Variants in RFX7 observed in about 807,000 individuals in gnomAD.
RFX7 encodes regulatory factor X7.
Under a neutral mutation model 111.8 loss-of-function variants are expected in RFX7, and 26 were observed. That is an observed-to-expected ratio of 0.23 (90% CI 0.17 to 0.32). The LOEUF is 0.32. Among genes scored for constraint, RFX7 ranks in the 10% least tolerant of loss-of-function variants. The pLI is 1.00. For missense variants in RFX7, 1,573 were observed against 1,772.9 expected, an observed-to-expected ratio of 0.89 and a Z score of 2.02; for synonymous variants, 624 against 624.4, an observed-to-expected ratio of 1.00 and a Z score of 0.01.
Position 56,103,543 on chromosome 15 carries a change from G to A in RFX7, c.518+11C>T, listed in dbSNP as rs1417894256. On this transcript the variant is annotated intron_variant, in intron 6 of 9. Coordinates refer to ENST00000559447, the MANE Select transcript of RFX7 (RefSeq NM_022841.7). ...CAGAGATATTACTAACACCATTCTG[G>A]TAAAGGATATTTAGATTTGCCTCTT... The A allele has an allele frequency of 6.4e-7, 1 of 1,550,786 alleles. No homozygotes were observed. The highest frequency in any genetic ancestry group is 1.2e-5 in the South Asian group (1 of 86,340).
At chr15:56,177,964 T>C (rs1366102406) in intron 3 of RFX7, among the ~76,000 whole-genome samples, 2 of 152,046 alleles carry the variant, frequency 1.3e-5, no homozygotes, top group Non-Finnish European at 2.9e-5. Flanking sequence ...AGACTAAATT[T>C]CTTAAGGGCA....
At chr15:56,206,056 C>T (rs1216224179) in intron 2 of RFX7, among the ~76,000 whole-genome samples, 1 of 152,026 alleles carries the variant, frequency 6.6e-6, no homozygotes, top group Non-Finnish European at 1.5e-5. Context: ...ATTAAAATTA[C>T]CATATGATCC....
intron 2 of RFX7, among the ~76,000 whole-genome samples, chr15:56,206,355 G>A (rs771714848): frequency 6.6e-6 from 1 of 152,116 alleles, no homozygotes; most frequent in African/African-American, 2.4e-5. Context: ...AATAACAAAT[G>A]CTGGCAAGGA....
upstream of RFX7, among the ~76,000 whole-genome samples, chr15:56,244,437 CTTTAACTA>C (rs1369790672): frequency 6.6e-6 from 1 of 152,130 alleles, no homozygotes; most frequent in African/African-American, 2.4e-5. Flanking sequence ...TCTGGCCCCA[CTTTAACTA>C]TCCAATCATA....
rs1256197437 is a variant in RFX7, at chr15:56,094,837, G to A, written c.2891C>T (p.Pro964Leu). The change falls in exon 10 of 10, where the codon CCG (proline) becomes CTG (leucine). Residue 964 changes from proline to leucine, a missense_variant. Coordinates refer to ENST00000559447, the MANE Select transcript of RFX7 (RefSeq NM_022841.7). ...PTPTPTPTPTPTSEMIAGSQS... is the reference protein window; with the variant it reads ...PTPTPTPTPTLTSEMIAGSQS... ...AGATCCAGCAATCATTTCAGATGTC[G>A]GGGTTGGGGTTGGGGTTGGAGTAGG... The A allele has an allele frequency of 1.3e-5, 20 of 1,550,110 alleles. No homozygotes were observed. The highest frequency in any genetic ancestry group is 1.7e-4 in the Middle Eastern group (1 of 5,894).
intron 5 of RFX7, among the ~76,000 whole-genome samples, chr15:56,111,943 T>A (rs576979131): frequency 3.3e-4 from 50 of 151,934 alleles, no homozygotes; most frequent in African/African-American, 1.1e-3. Context: ...TGTGAAACCC[T>A]GTCTCTACTA....
At chr15:56,153,132 C>T (rs1464756940) in intron 3 of RFX7, among the ~76,000 whole-genome samples, 21 of 152,234 alleles carry the variant, frequency 1.4e-4, no homozygotes. Flanking sequence ...ACCAGAGGTA[C>T]AAAGAGGAGC....
Position 56,179,360 on chromosome 15 carries a change from T to C in RFX7, c.162-57A>G, listed in dbSNP as rs1595990045. On this transcript the variant is annotated intron_variant, in intron 2 of 9. Transcript: ENST00000559447. ...TGAAAAGTTTATTAACTATCTGCAA[T>C]ATTCTCAAAAAGATGTGGTAATTTA... 4 of 791,188 alleles carry C rather than the reference T, an allele frequency of 5.1e-6. No homozygotes were observed. The East Asian group carries it at 2.0e-4, about 40-fold the overall frequency. The allele number at this position is 791,188 out of a possible 1,614,324, so 49.0% of individuals were successfully genotyped here.
intron 2 of RFX7, among the ~76,000 whole-genome samples, chr15:56,227,655 C>G (rs1050117778): frequency 2.0e-5 from 3 of 152,126 alleles, no homozygotes; most frequent in Non-Finnish European, 2.9e-5. Context: ...TTCCTTCATC[C>G]CAGCAGTGAA....
intron 3 of RFX7, among the ~76,000 whole-genome samples, chr15:56,177,408 A>T (rs189977833): frequency 1.1e-3 from 168 of 152,234 alleles, no homozygotes; most frequent in African/African-American, 4.0e-3. Context: ...TTTAATGTCT[A>T]CCTCACCCAA....
At chr15:56,173,832 T>C (rs1347895729) in intron 3 of RFX7, among the ~76,000 whole-genome samples, 1 of 151,470 alleles carries the variant, frequency 6.6e-6, no homozygotes, top group Non-Finnish European at 1.5e-5. Flanking sequence ...GATAATACAA[T>C]TAGCAATCAA....
At chr15:56,117,612 C>G (rs2042024849) in intron 5 of RFX7, among the ~76,000 whole-genome samples, 1 of 152,060 alleles carries the variant, frequency 6.6e-6, no homozygotes, top group Admixed American at 6.6e-5. Flanking sequence ...TATCCTTTAA[C>G]CACTCTCTTC....
At chr15:56,218,641 G>A (rs1017388552) in intron 2 of RFX7, among the ~76,000 whole-genome samples, 10 of 152,220 alleles carry the variant, frequency 6.6e-5, no homozygotes, top group Non-Finnish European at 7.4e-5. Flanking sequence ...TAGGAAAAGC[G>A]GAAAGCCAAC....
chr15:56,189,463 AAAC>A (rs754530421), intron 2 of RFX7, among the ~76,000 whole-genome samples: 18 of 152,184 alleles, frequency 1.2e-4, no homozygotes, highest in Non-Finnish European at 2.5e-4. Flanking sequence ...AGTAAAAAAA[AAAC>A]AACTACATAA....
chr15:56,237,937 C>G (rs1207430721), intron 2 of RFX7, among the ~76,000 whole-genome samples: 1 of 152,080 alleles, frequency 6.6e-6, no homozygotes, highest in Non-Finnish European at 1.5e-5. Flanking sequence ...TGAAGACAGG[C>G]TAAACTCAGG....
chr15:56,139,648 G>T (rs181014047), intron 5 of RFX7, among the ~76,000 whole-genome samples: 1 of 152,178 alleles, frequency 6.6e-6, no homozygotes, highest in Admixed American at 6.5e-5. Flanking sequence ...GCTTTGTTCC[G>T]TTGCTGGTGA....
intron 5 of RFX7, among the ~76,000 whole-genome samples, chr15:56,109,708 G>C (rs2041884668): frequency 6.6e-6 from 1 of 151,936 alleles, no homozygotes; most frequent in Non-Finnish European, 1.5e-5. Flanking sequence ...GCCCCGTCCG[G>C]GATGTGAGGA....
At chr15:56,198,013 C>A (rs1018881716) in intron 2 of RFX7, among the ~76,000 whole-genome samples, 5 of 152,068 alleles carry the variant, frequency 3.3e-5, no homozygotes, top group Admixed American at 6.5e-5. Flanking sequence ...AGCCTAGGTA[C>A]AAAAAGGCAA....
chr15:56,243,049 G>GCCCCCCCCCCCC, intron 2 of RFX7, 76 bp downstream of exon 2: 1 of 476,998 alleles, frequency 2.1e-6, no homozygotes, highest in Non-Finnish European at 3.8e-6. Flanking sequence ...CGCTCCCCCC[G>GCCCCCCCCCCCC]CCCGCCGCCC....
Sources: allele counts gnomAD v4.1 joint callset (sites outside exome capture counted in the v4.1 genomes callset), GRCh38; gene constraint gnomAD v4.1.1; transcripts MANE v1.5; gene names NCBI Gene and HGNC (gene_info 2026-07-23, HGNC 2026-07-21).